The following SLC35F4 variants were observed in gnomAD, a reference collection of about 807,000 sequenced individuals.
The protein encoded by SLC35F4 is solute carrier family 35 member F4, also known as chromosome 14 open reading frame 36.
Under a neutral mutation model 44.2 loss-of-function variants are expected in SLC35F4, and 24 were observed. The ratio of observed to expected loss-of-function variants is 0.54; its 90% CI spans 0.39 to 0.76. The LOEUF (loss-of-function observed/expected upper bound fraction) is 0.76. Among genes scored for constraint, SLC35F4 ranks in the 30% least tolerant of loss-of-function variants. SLC35F4 has a pLI of 0.00. For missense variants in SLC35F4, 562 were observed against 586.1 expected, an observed-to-expected ratio of 0.96 and a Z score of 0.42; for synonymous variants, 238 against 223.6, an observed-to-expected ratio of 1.06 and a Z score of -0.57.
At chr14:57,712,206 T>A (rs1203297076) in intron 1 of SLC35F4, among the ~76,000 whole-genome samples, 8 of 152,186 alleles carry the variant, frequency 5.3e-5, no homozygotes, top group Non-Finnish European at 7.3e-5. Context: ...CATGCCACCT[T>A]CTCGGGCTGT....
At chr14:57,837,520 T>C (rs1300234571) in intron 1 of SLC35F4, 2 of 152,252 alleles carry the variant, frequency 1.3e-5, no homozygotes, top group African/African-American at 4.8e-5. Flanking sequence ...GACCACTTGC[T>C]TTGACCAATC....
chr14:57,772,162 G>T (rs937265484), intron 1 of SLC35F4, among the ~76,000 whole-genome samples: 4 of 152,134 alleles, frequency 2.6e-5, no homozygotes, highest in Non-Finnish European at 4.4e-5. Flanking sequence ...CTTTTTCACT[G>T]TCAGAAAGCA....
intron 1 of SLC35F4, among the ~76,000 whole-genome samples, chr14:57,732,772 G>C (rs547936017): frequency 7.2e-5 from 11 of 152,244 alleles, no homozygotes; most frequent in African/African-American, 2.6e-4. Context: ...TCCACAAAAA[G>C]AGTCATCCAG....
At chr14:57,792,348 T>G (rs1209396631) in intron 1 of SLC35F4, among the ~76,000 whole-genome samples, 1 of 152,134 alleles carries the variant, frequency 6.6e-6, no homozygotes, top group Admixed American at 6.6e-5. Context: ...GAAAACAGTG[T>G]GAAGATTCCT....
intron 2 of SLC35F4, among the ~76,000 whole-genome samples, chr14:57,593,571 A>T (rs1013516144): frequency 3.9e-5 from 6 of 152,188 alleles, no homozygotes; most frequent in Non-Finnish European, 5.9e-5. Context: ...TGGTGTTTTC[A>T]TTCTTTTCAG....
chr14:57,735,024 T>G (rs2076429696), intron 1 of SLC35F4, among the ~76,000 whole-genome samples: 1 of 143,184 alleles, frequency 7.0e-6, no homozygotes, highest in African/African-American at 2.7e-5. Flanking sequence ...CCAGAGCTGT[T>G]TTTTTTTTAA....
chr14:57,982,480 G>T (rs1171673098), upstream of SLC35F4, among the ~76,000 whole-genome samples: 1 of 152,114 alleles, frequency 6.6e-6, no homozygotes, highest in Non-Finnish European at 1.5e-5. Context: ...GTTGAGGAAG[G>T]GTTGTTCTAT....
At chr14:57,770,698 G>A (rs777007254) in intron 1 of SLC35F4, among the ~76,000 whole-genome samples, 11 of 152,098 alleles carry the variant, frequency 7.2e-5, no homozygotes, top group Admixed American at 3.9e-4. Context: ...TGATTTGCAA[G>A]GATTTTCAAG....
intron 1 of SLC35F4, among the ~76,000 whole-genome samples, chr14:57,692,878 T>C (rs1032061342): frequency 6.6e-6 from 1 of 152,182 alleles, no homozygotes; most frequent in African/African-American, 2.4e-5. Context: ...CAGGTGGAGC[T>C]AGTGTCCTAA....
chr14:57,667,904 G>A (rs1230638072), intron 1 of SLC35F4, among the ~76,000 whole-genome samples: 4 of 138,584 alleles, frequency 2.9e-5, no homozygotes, highest in East Asian at 2.0e-4. Flanking sequence ...CTGAGGAATT[G>A]CCACACTGTC....
intron 1 of SLC35F4, among the ~76,000 whole-genome samples, chr14:57,706,832 T>A (rs1317163251): frequency 6.6e-6 from 1 of 152,160 alleles, no homozygotes; most frequent in Admixed American, 6.5e-5. Context: ...ACGCAGGACT[T>A]TGCAACCAAG....
At chr14:57,739,727 C>T (rs990366948) in intron 1 of SLC35F4, among the ~76,000 whole-genome samples, 1 of 152,188 alleles carries the variant, frequency 6.6e-6, no homozygotes, top group Non-Finnish European at 1.5e-5. Flanking sequence ...CCATTTATTA[C>T]ATTCCTTATC....
chr14:57,588,854 TA>T (rs1412196305), intron 3 of SLC35F4, among the ~76,000 whole-genome samples: 1 of 152,204 alleles, frequency 6.6e-6, no homozygotes, highest in Non-Finnish European at 1.5e-5. Flanking sequence ...CAGAAATAAA[TA>T]GATCTAGATT....
intron 1 of SLC35F4, among the ~76,000 whole-genome samples, chr14:57,607,973 A>G (rs534291433): frequency 2.3e-3 from 353 of 152,298 alleles, no homozygotes; most frequent in Admixed American, 6.2e-3. Flanking sequence ...ATAAAACACC[A>G]TTTACAGAGC....
At chr14:57,914,073 T>C (rs904468263) in intron 1 of SLC35F4, among the ~76,000 whole-genome samples, 4 of 152,208 alleles carry the variant, frequency 2.6e-5, no homozygotes, top group African/African-American at 9.6e-5. Context: ...AGATCAGATA[T>C]TGTCTTAGTC....
chr14:57,579,952 TGTCAGGGTATCTGATG>T (rs1267767262), intron 4 of SLC35F4, among the ~76,000 whole-genome samples: 1 of 152,172 alleles, frequency 6.6e-6, no homozygotes, highest in Admixed American at 6.5e-5. Flanking sequence ...CTCAAGGACT[TGTCAGGGTATCTGATG>T]GTAGACAGCC....
At chr14:57,757,509 G>T (rs1179647926) in intron 1 of SLC35F4, among the ~76,000 whole-genome samples, 4 of 151,194 alleles carry the variant, frequency 2.6e-5, no homozygotes, top group East Asian at 3.9e-4. Context: ...TTCTTTTTTG[G>T]CTTATTAACT....
chr14:57,922,146 G>C (rs1422805539), intron 1 of SLC35F4, among the ~76,000 whole-genome samples: 1 of 152,168 alleles, frequency 6.6e-6, no homozygotes, highest in Non-Finnish European at 1.5e-5. Context: ...CTCTGGGCCA[G>C]GTCACAGGGA....
intron 1 of SLC35F4, among the ~76,000 whole-genome samples, chr14:57,822,323 A>G (rs766620450): frequency 6.6e-6 from 1 of 152,190 alleles, no homozygotes; most frequent in Non-Finnish European, 1.5e-5. Context: ...AGTATCACCT[A>G]TGCAACACTT....
Sources: allele counts gnomAD v4.1 joint callset (sites outside exome capture counted in the v4.1 genomes callset), GRCh38; gene constraint gnomAD v4.1.1; transcripts MANE v1.5; gene names NCBI Gene and HGNC (gene_info 2026-07-23, HGNC 2026-07-21).